RBMS3: variants seen among roughly 807,000 people sequenced by gnomAD.
RBMS3 encodes the protein RNA binding motif single stranded interacting protein 3.
RBMS3 carries 27 observed loss-of-function variants against 66.8 expected under a neutral mutation model. That is an observed-to-expected ratio of 0.40 (90% CI 0.30 to 0.56). The LOEUF is 0.56. RBMS3 is among the 20% of genes least tolerant of loss of function. The probability of loss-of-function intolerance (pLI) is 0.40; values close to 1 mark genes in which losing one functional copy is unlikely to be tolerated. For missense variants in RBMS3, 513 were observed against 549.5 expected, an observed-to-expected ratio of 0.93 and a Z score of 0.66; for synonymous variants, 188 against 183.0, an observed-to-expected ratio of 1.03 and a Z score of -0.22.
At chr3:29,989,662 C>T (rs1348964778) in intron 13 of RBMS3, among the ~76,000 whole-genome samples, 1 of 152,168 alleles carries the variant, frequency 6.6e-6, no homozygotes, top group East Asian at 1.9e-4. Context: ...TAACAGGGCA[C>T]TGATGGAAAT....
At chr3:29,378,940 AT>A (rs2125619194) in intron 1 of RBMS3, among the ~76,000 whole-genome samples, 2 of 152,272 alleles carry the variant, frequency 1.3e-5, no homozygotes, top group East Asian at 3.9e-4. Context: ...CTCTCATTTG[AT>A]TTCTATAACC....
chr3:29,575,687 G>T (rs983410570), intron 3 of RBMS3, among the ~76,000 whole-genome samples: 3 of 151,854 alleles, frequency 2.0e-5, no homozygotes, highest in Non-Finnish European at 4.4e-5. Context: ...ATGCTTCATT[G>T]CTTTCTACTC....
chr3:29,819,732 C>T (rs1253141731), intron 6 of RBMS3, among the ~76,000 whole-genome samples: 1 of 152,116 alleles, frequency 6.6e-6, no homozygotes, highest in Non-Finnish European at 1.5e-5. Context: ...ACTGTATTGA[C>T]TGACATTCAG....
intron 10 of RBMS3, among the ~76,000 whole-genome samples, chr3:29,907,825 T>G (rs2149624822): frequency 6.6e-6 from 1 of 152,236 alleles, no homozygotes; most frequent in East Asian, 1.9e-4. Flanking sequence ...TATAAAATCT[T>G]CATACCCAAG....
chr3:29,422,391 C>CA (rs1011041950), intron 1 of RBMS3, among the ~76,000 whole-genome samples: 1 of 81,408 alleles, frequency 1.2e-5, no homozygotes, highest in African/African-American at 6.2e-5. Context: ...AGAATATCAC[C>CA]AGCCCAAAAA....
At chr3:29,987,765 A>G (rs1045960386) in intron 12 of RBMS3, among the ~76,000 whole-genome samples, 1 of 152,100 alleles carries the variant, frequency 6.6e-6, no homozygotes, top group Non-Finnish European at 1.5e-5. Flanking sequence ...AGAGCCTACT[A>G]TGTGATAGGT....
At chr3:29,369,151 G>A (rs536279713) in intron 1 of RBMS3, among the ~76,000 whole-genome samples, 2 of 151,962 alleles carry the variant, frequency 1.3e-5, no homozygotes, top group Non-Finnish European at 2.9e-5. Flanking sequence ...GCCGGCACCG[G>A]GGCCTACTTG....
chr3:29,586,692 G>C (rs551208122), intron 3 of RBMS3, among the ~76,000 whole-genome samples: 32 of 152,168 alleles, frequency 2.1e-4, no homozygotes, highest in Non-Finnish European at 3.8e-4. Context: ...CCTTTTGCGA[G>C]TTCTTATCAT....
chr3:29,866,076 C>G (rs1031220130), intron 6 of RBMS3, among the ~76,000 whole-genome samples: 2 of 43,394 alleles, frequency 4.6e-5, no homozygotes, highest in Non-Finnish European at 7.1e-5. Context: ...ACACCAAATA[C>G]TAAAAAAAAA....
At chr3:29,390,080 C>T (rs1028253212) in intron 1 of RBMS3, among the ~76,000 whole-genome samples, 2 of 152,138 alleles carry the variant, frequency 1.3e-5, no homozygotes, top group African/African-American at 4.8e-5. Context: ...CTACAAAACC[C>T]CTTGATACCA....
chr3:29,944,319 T>G, intron 12 of RBMS3, 65 bp downstream of exon 12: 1 of 1,393,072 alleles, frequency 7.2e-7, no homozygotes, highest in South Asian at 1.2e-5. Context: ...CCTGGTTTTT[T>G]CCCAAACTCT....
At chr3:29,965,845 ATT>A (rs1202795642) in intron 12 of RBMS3, among the ~76,000 whole-genome samples, 1 of 152,114 alleles carries the variant, frequency 6.6e-6, no homozygotes, top group Non-Finnish European at 1.5e-5. Context: ...TTCTTCCAGA[ATT>A]TTTATAATTT....
At chr3:29,684,769 G>T (rs1447707145) in intron 4 of RBMS3, among the ~76,000 whole-genome samples, 1 of 136,144 alleles carries the variant, frequency 7.3e-6, no homozygotes, top group Non-Finnish European at 1.6e-5. Flanking sequence ...AAAATGTAAG[G>T]TTTGTTATGT....
At chr3:29,853,439 T>C (rs1041126834) in intron 6 of RBMS3, among the ~76,000 whole-genome samples, 1 of 145,734 alleles carries the variant, frequency 6.9e-6, no homozygotes, top group Non-Finnish European at 1.5e-5. Flanking sequence ...TTTTTTTTTT[T>C]TTTTTTGCAG....
chr3:29,441,981 C>G (rs760444674), intron 2 of RBMS3, among the ~76,000 whole-genome samples: 3 of 152,084 alleles, frequency 2.0e-5, no homozygotes, highest in Non-Finnish European at 2.9e-5. Context: ...TTTCTGATAA[C>G]AAACTGACAT....
intron 2 of RBMS3, among the ~76,000 whole-genome samples, chr3:29,471,657 A>C (rs2042729852): frequency 6.6e-6 from 1 of 151,742 alleles, no homozygotes; most frequent in African/African-American, 2.4e-5. Flanking sequence ...CAGCTTATAT[A>C]CTATGCATCT....
intron 6 of RBMS3, among the ~76,000 whole-genome samples, chr3:29,823,083 T>G (rs2149477391): frequency 6.6e-6 from 1 of 152,304 alleles, no homozygotes; most frequent in South Asian, 2.1e-4. Flanking sequence ...TGTTGCAGCT[T>G]AACTTTAAAA....
intron 5 of RBMS3, among the ~76,000 whole-genome samples, chr3:29,749,663 T>C (rs115144418): frequency 1.8e-3 from 281 of 152,312 alleles, no homozygotes; most frequent in African/African-American, 6.4e-3. Flanking sequence ...GAAAGTGATA[T>C]TCTTTACTTA....
At chr3:29,287,157 T>C (rs1156539081) in intron 1 of RBMS3, among the ~76,000 whole-genome samples, 1 of 152,126 alleles carries the variant, frequency 6.6e-6, no homozygotes, top group African/African-American at 2.4e-5. Context: ...TGTTGAACTA[T>C]TTTGGATGTG....
Sources: gnomAD v4.1 joint callset for allele counts (sites outside exome capture counted in the v4.1 genomes callset) on GRCh38, gnomAD v4.1.1 for gene constraint, MANE v1.5 for transcripts, NCBI Gene and HGNC (gene_info 2026-07-23, HGNC 2026-07-21) for gene names.